Variants in RGS12 observed in about 807,000 individuals in gnomAD.
RGS12 encodes the protein regulator of G-protein signaling 12.
A neutral mutation model predicts 120.1 loss-of-function variants in RGS12; 66 were observed. That is an observed-to-expected ratio of 0.55 (90% confidence interval 0.45 to 0.67). The LOEUF (loss-of-function observed/expected upper bound fraction) is 0.67. RGS12 is among the 30% of genes least tolerant of loss of function. RGS12 has a pLI of 0.00. For missense variants in RGS12, 1,859 were observed against 1,957.7 expected, an observed-to-expected ratio of 0.95 and a Z score of 0.95; for synonymous variants, 827 against 804.7, an observed-to-expected ratio of 1.03 and a Z score of -0.47.
intron 3 of RGS12, among the ~76,000 whole-genome samples, chr4:3,382,308 C>T (rs1718348474): frequency 6.6e-6 from 1 of 152,186 alleles, no homozygotes; most frequent in Non-Finnish European, 1.5e-5. Context: ...CCTCTCCTTC[C>T]CTGCCCTTCC....
At chr4:3,303,447 C>G (rs557988706) in intron 1 of RGS12, among the ~76,000 whole-genome samples, 3 of 152,250 alleles carry the variant, frequency 2.0e-5, no homozygotes, top group Non-Finnish European at 2.9e-5. Context: ...CTGGAACCAG[C>G]AGTGCTGTAT....
chr4:3,414,266 A>C, intron 5 of RGS12, 25 bp downstream of exon 5: 1 of 1,520,718 alleles, frequency 6.6e-7, no homozygotes, highest in Non-Finnish European at 8.8e-7. Flanking sequence ...GCCCAGGAGC[A>C]GCGGAGCGGT....
rs757517163 is a variant in RGS12, at chr4:3,414,230, C to T, written c.2179C>T (p.Arg727Cys). The change falls in exon 5 of 18, where the codon CGC (arginine) becomes TGC (cysteine). Residue 727 changes from arginine to cysteine, a missense_variant. Arg to Cys is a radical substitution (Grantham distance 180, BLOSUM62 -3). Coordinates refer to ENST00000336727, the MANE Select transcript of RGS12 (RefSeq NM_001394154.1). Reference protein sequence around the residue: ...ERLLQDPVGVRYFSDFLRKEF... With the variant: ...ERLLQDPVGVCYFSDFLRKEF... ...CCTGCTGCAGGACCCCGTCGGTGTCCGCTACTTCTCTGTGAGTAGGGAAGG... is the reference window on the plus strand; with the variant it reads ...CCTGCTGCAGGACCCCGTCGGTGTCTGCTACTTCTCTGTGAGTAGGGAAGG... 17 of 1,540,890 alleles carry T rather than the reference C, an allele frequency of 1.1e-5. No individual in the cohort carries two copies. Among genetic ancestry groups the T allele is most frequent in the African/African-American group, 5.5e-5 (4 of 73,176 alleles).
At chr4:3,288,640 G>C (rs538469463), upstream of RGS12, among the ~76,000 whole-genome samples, 50 of 152,324 alleles carry the variant, frequency 3.3e-4, no homozygotes, top group African/African-American at 1.1e-3. The surrounding 1 kb of genome is among the most constrained non-coding windows in gnomAD (Gnocchi z 5.2). Context: ...CCTCCTTTCC[G>C]GGACGTATGG....
At chr4:3,396,498 TC>T (rs1374543517) in intron 4 of RGS12, among the ~76,000 whole-genome samples, 1 of 152,214 alleles carries the variant, frequency 6.6e-6, no homozygotes, top group Non-Finnish European at 1.5e-5. Flanking sequence ...TACATGGTAT[TC>T]AGTTGTCCCA....
chr4:3,286,019 G>A, the RGS12 span, among the ~76,000 whole-genome samples: 60 of 152,360 alleles, frequency 3.9e-4, no homozygotes, highest in African/African-American at 1.3e-3. Flanking sequence ...GGACCGCTGG[G>A]GCCGTCACCA....
At chr4:3,416,577 A>G (rs938269866) in intron 7 of RGS12, among the ~76,000 whole-genome samples, 2 of 152,204 alleles carry the variant, frequency 1.3e-5, no homozygotes, top group African/African-American at 2.4e-5. Context: ...AAAGCAGTCT[A>G]CTGTAAGATT....
rs567337698 is a variant in RGS12 at position 3,391,585 on chromosome 4, C to G, written c.2020+5148C>G. On this transcript the variant is annotated intron_variant, in intron 4 of 17. Coordinates refer to ENST00000336727, the MANE Select transcript of RGS12 (RefSeq NM_001394154.1). ...GAAGCAGGCGCCACCCCTTCCCACT[C>G]CAAGGGAGTTTCTTAGTTAGATTCT... Among the ~76,000 whole-genome samples the G allele has an allele frequency of 7.0e-4, 107 of 152,328 alleles. 1 individual carries two copies. The highest frequency in any genetic ancestry group is 2.3e-3 in the African/African-American group (95 of 41,576).
intron 1 of RGS12, among the ~76,000 whole-genome samples, chr4:3,306,448 G>A (rs1336204980): frequency 2.0e-5 from 3 of 152,226 alleles, no homozygotes; most frequent in African/African-American, 2.4e-5. Flanking sequence ...GGGAAGTCCC[G>A]CTCGATAAGC....
intron 2 of RGS12, among the ~76,000 whole-genome samples, chr4:3,319,976 A>T (rs1725071265): frequency 2.0e-5 from 3 of 152,226 alleles, no homozygotes; most frequent in Admixed American, 6.5e-5. Context: ...AGGGCCCTGG[A>T]AAGTGGTGAA....
intron 14 of RGS12, 92 bp from the exon 15 acceptor site, chr4:3,427,998 C>A: frequency 8.2e-7 from 1 of 1,225,612 alleles, no homozygotes; most frequent in Non-Finnish European, 1.2e-6. Context: ...TTCTCTACAG[C>A]TTTGCTCTCA....
intron 3 of RGS12, chr4:3,369,852 C>A: frequency 4.6e-6 from 1 of 217,730 alleles, no homozygotes; most frequent in Non-Finnish European, 8.0e-6. Flanking sequence ...TGGCTGCCAC[C>A]CAGTAAGCTG....
chr4:3,336,858 A>G (rs1326767977), intron 2 of RGS12, among the ~76,000 whole-genome samples: 3 of 152,238 alleles, frequency 2.0e-5, no homozygotes, highest in Non-Finnish European at 4.4e-5. Flanking sequence ...GAGAACTCCT[A>G]TAACTCAGCA....
chr4:3,289,585 G>A (rs10019606), upstream of RGS12, among the ~76,000 whole-genome samples: 37,721 of 152,042 alleles, frequency 0.25, 5,306 homozygotes, highest in East Asian at 0.44. Context: ...ATGAAAAATT[G>A]TACAATCTGA....
At chr4:3,343,340 C>T (rs1324724681) in intron 3 of RGS12, among the ~76,000 whole-genome samples, 3 of 152,192 alleles carry the variant, frequency 2.0e-5, no homozygotes, top group South Asian at 4.1e-4. Context: ...AAATACTCTA[C>T]GAGGTAGGGC....
chr4:3,332,610 G>A (rs1306730150), intron 2 of RGS12, among the ~76,000 whole-genome samples: 2 of 152,280 alleles, frequency 1.3e-5, no homozygotes, highest in East Asian at 1.9e-4. Flanking sequence ...AAGGCTCTGC[G>A]TTTCCTCTCT....
intron 2 of RGS12, among the ~76,000 whole-genome samples, chr4:3,319,972 C>G (rs1449222192): frequency 6.6e-6 from 1 of 152,240 alleles, no homozygotes; most frequent in African/African-American, 2.4e-5. Flanking sequence ...GTGAAGGGCC[C>G]TGGAAAGTGG....
At chr4:3,383,901 T>G (rs1158215489) in intron 3 of RGS12, among the ~76,000 whole-genome samples, 1 of 152,206 alleles carries the variant, frequency 6.6e-6, no homozygotes, top group Non-Finnish European at 1.5e-5. Context: ...TCTCTCCTGG[T>G]TCTCAAGTTT....
At chr4:3,306,852 G>A (rs1033329310) in intron 1 of RGS12, among the ~76,000 whole-genome samples, 1 of 152,312 alleles carries the variant, frequency 6.6e-6, no homozygotes, top group African/African-American at 2.4e-5. Flanking sequence ...CACTGGAGGA[G>A]CTGGGTTGGG....
Sources: gnomAD v4.1 joint callset for allele counts (sites outside exome capture counted in the v4.1 genomes callset) on GRCh38, gnomAD v4.1.1 for gene constraint, Gnocchi (gnomAD v3.1) non-coding constraint, MANE v1.5 for transcripts, NCBI Gene and HGNC (gene_info 2026-07-23, HGNC 2026-07-21) for gene names.